Variants in GRID1 observed in about 807,000 individuals in gnomAD.
GRID1 encodes the protein glutamate ionotropic receptor delta type subunit 1, also known as glutamate receptor ionotropic, delta-1.
Under a neutral mutation model 98.0 loss-of-function variants are expected in GRID1, and 28 were observed. The ratio of observed to expected loss-of-function variants is 0.29; its 90% confidence interval spans 0.21 to 0.39. The LOEUF is 0.39. GRID1 is among the 10% of genes least tolerant of loss of function. The pLI is 1.00. For missense variants in GRID1, 1,111 were observed against 1,340.5 expected, an observed-to-expected ratio of 0.83 and a Z score of 2.67; for synonymous variants, 553 against 538.5, an observed-to-expected ratio of 1.03 and a Z score of -0.37.
intron 8 of GRID1, among the ~76,000 whole-genome samples, chr10:85,763,777 A>T (rs1434032985): frequency 2.0e-5 from 3 of 152,238 alleles, no homozygotes; most frequent in Non-Finnish European, 2.9e-5. Context: ...CTGACATTTC[A>T]GTTTAATCAG....
At chr10:85,630,655 G>A (rs889281771) in intron 13 of GRID1, among the ~76,000 whole-genome samples, 2 of 152,040 alleles carry the variant, frequency 1.3e-5, no homozygotes, top group Non-Finnish European at 2.9e-5. Context: ...TATTCTCAAA[G>A]TCTATGCTAT....
At chr10:85,613,726 A>T in intron 14 of GRID1, 79 bp from the exon 15 acceptor site, 1 of 1,522,136 alleles carries the variant, frequency 6.6e-7, no homozygotes, top group Admixed American at 1.8e-5. Flanking sequence ...CTGCCCCACC[A>T]TGCTGGCCCC....
chr10:86,312,155 C>T (rs1199898910), intron 2 of GRID1, among the ~76,000 whole-genome samples: 4 of 152,232 alleles, frequency 2.6e-5, no homozygotes, highest in African/African-American at 7.2e-5. Context: ...TGGGTGAAAA[C>T]AAGGCAAACC....
rs140430329 is a variant in GRID1, at chr10:85,619,966, T to A, written c.2261A>T (p.Asp754Val). ...AVVEYAALTDDDCSVTVIGNS... is the reference protein window; with the variant it reads ...AVVEYAALTDVDCSVTVIGNS... ...GCCGATGACAGTCACCGAGCAGTCG[T>A]CATCCGTCAGGGCTGCGTATTCCAC... Residue 754 changes from aspartate (D) to valine (V), a missense_variant, in exon 14 of 16, where the codon GAC (aspartate) becomes GTC (valine). Asp to Val is a radical substitution (Grantham distance 152). This residue lies in a region of GRID1 where 762 missense variants were observed against 869.1 expected (regional missense o/e 0.88). Coordinates refer to ENST00000327946, the MANE Select transcript of GRID1 (RefSeq NM_017551.3). 2.5e-6 allele frequency: 4 copies of A among 1,613,978 alleles called. No individual in the cohort carries two copies. The African/African-American group carries it at 5.3e-5, about 22-fold the overall frequency.
At chr10:86,087,577 G>A (rs1018486686) in intron 4 of GRID1, among the ~76,000 whole-genome samples, 5 of 151,858 alleles carry the variant, frequency 3.3e-5, no homozygotes, top group South Asian at 2.1e-4. Flanking sequence ...ACAAGACAGA[G>A]ACCAGGCCAG....
chr10:86,130,572 C>G (rs1844820471), intron 4 of GRID1, among the ~76,000 whole-genome samples: 1 of 152,162 alleles, frequency 6.6e-6, no homozygotes, highest in Non-Finnish European at 1.5e-5. Context: ...TGGAGACAGT[C>G]AGAGAGAAGA....
rs7082561 is a variant in GRID1 at position 86,357,398 on chromosome 10, C to T, written c.235+6543G>A. ...AGTATGACCCGTGGCCTCTCCCACACGCCTGGCATAAGGTATCCATCTGCT... is the reference window on the plus strand; with the variant it reads ...AGTATGACCCGTGGCCTCTCCCACATGCCTGGCATAAGGTATCCATCTGCT... On this transcript the variant is annotated intron_variant, in intron 2 of 15. Transcript: ENST00000327946. Among the ~76,000 whole-genome samples, 1,324 of 152,344 alleles carry T rather than the reference C, an allele frequency of 8.7e-3. 21 individuals are homozygous for T. The highest frequency in any genetic ancestry group is 0.044 in the Middle Eastern group (13 of 294).
At chr10:85,901,495 G>A (rs954520520) in intron 5 of GRID1, among the ~76,000 whole-genome samples, 2 of 152,106 alleles carry the variant, frequency 1.3e-5, no homozygotes, top group African/African-American at 4.8e-5. Flanking sequence ...TGATCTGCCC[G>A]CCTTGGCCTC....
intron 4 of GRID1, among the ~76,000 whole-genome samples, chr10:86,137,797 A>G (rs1317439692): frequency 6.6e-6 from 1 of 152,196 alleles, no homozygotes; most frequent in African/African-American, 2.4e-5. Flanking sequence ...GTTGTACCAC[A>G]TTAAGCATTC....
Position 86,023,765 on chromosome 10 carries a change from C to T in GRID1, c.727-107526G>A, listed in dbSNP as rs531846717. ...AGAACCCAGGCCTCCTCCCAGACTCCGCCTTATATCTCATTGGTCTCCTAC... is the reference window on the plus strand; with the variant it reads ...AGAACCCAGGCCTCCTCCCAGACTCTGCCTTATATCTCATTGGTCTCCTAC... On this transcript the variant is annotated intron_variant, in intron 4 of 15. Coordinates refer to ENST00000327946, the MANE Select transcript of GRID1 (RefSeq NM_017551.3). Among the ~76,000 whole-genome samples, 203 of 152,214 alleles carry T rather than the reference C, an allele frequency of 1.3e-3. 2 individuals are homozygous for T. Among genetic ancestry groups the T allele is most frequent in the African/African-American group, 4.5e-3 (185 of 41,516 alleles).
At chr10:86,234,533 C>T (rs973843547) in intron 2 of GRID1, among the ~76,000 whole-genome samples, 1 of 152,176 alleles carries the variant, frequency 6.6e-6, no homozygotes, top group Non-Finnish European at 1.5e-5. Context: ...CATTTTGCTT[C>T]AAATATCTAC....
At chr10:86,340,277 A>C (rs1488285065) in intron 2 of GRID1, among the ~76,000 whole-genome samples, 3 of 152,164 alleles carry the variant, frequency 2.0e-5, no homozygotes, top group Non-Finnish European at 1.5e-5. Flanking sequence ...AACCACCAAA[A>C]AGTCAGTCAG....
chr10:85,623,933 G>A (rs759069503), intron 13 of GRID1, among the ~76,000 whole-genome samples: 6 of 152,208 alleles, frequency 3.9e-5, no homozygotes, highest in Non-Finnish European at 7.3e-5. Flanking sequence ...TGCTTGTAGA[G>A]GGAGGAGGAT....
At chr10:85,975,982 G>A (rs1026910075) in intron 4 of GRID1, among the ~76,000 whole-genome samples, 3 of 152,102 alleles carry the variant, frequency 2.0e-5, no homozygotes, top group Non-Finnish European at 4.4e-5. Context: ...CCCCAGGAGA[G>A]CTCACCTATG....
At chr10:85,924,792 C>T (rs538294494) in intron 4 of GRID1, among the ~76,000 whole-genome samples, 13 of 152,276 alleles carry the variant, frequency 8.5e-5, no homozygotes, top group Non-Finnish European at 1.5e-4. Flanking sequence ...ATTAGACCTC[C>T]CTGGCCTCAG....
At chr10:85,876,199 G>C (rs898310500) in intron 5 of GRID1, among the ~76,000 whole-genome samples, 2 of 151,780 alleles carry the variant, frequency 1.3e-5, no homozygotes, top group East Asian at 3.9e-4. Flanking sequence ...TCATATTTCT[G>C]GAGACCATAA....
At chr10:86,022,547 G>A (rs1589340222) in intron 4 of GRID1, among the ~76,000 whole-genome samples, 1 of 152,102 alleles carries the variant, frequency 6.6e-6, no homozygotes. Context: ...CAGTTCTGAC[G>A]CTCTTTTTTT....
At chr10:85,877,359 G>A (rs1036140239) in intron 5 of GRID1, among the ~76,000 whole-genome samples, 1 of 152,212 alleles carries the variant, frequency 6.6e-6, no homozygotes, top group Non-Finnish European at 1.5e-5. Context: ...CCCCCAGTAG[G>A]GGCAGACTGA....
chr10:85,945,996 G>A (rs561545144), intron 4 of GRID1, among the ~76,000 whole-genome samples: 88 of 152,276 alleles, frequency 5.8e-4, no homozygotes, highest in African/African-American at 2.0e-3. Flanking sequence ...TGAAGGGACA[G>A]ATAAAATATG....
Sources: gnomAD v4.1 joint callset for allele counts (sites outside exome capture counted in the v4.1 genomes callset) on GRCh38, gnomAD v4.1.1 for gene constraint, gnomAD v4.1.1 regional missense constraint, MANE v1.5 for transcripts, NCBI Gene and HGNC (gene_info 2026-07-23, HGNC 2026-07-21) for gene names.